FLNC: variants seen among roughly 807,000 people sequenced by gnomAD.
FLNC encodes filamin-C.
Under a neutral mutation model 254.3 loss-of-function variants are expected in FLNC, and 91 were observed. The ratio of observed to expected loss-of-function variants is 0.36; its 90% confidence interval spans 0.30 to 0.43. The LOEUF is 0.43. Among genes scored for constraint, FLNC ranks in the 20% least tolerant of loss-of-function variants. The probability of loss-of-function intolerance (pLI) is 1.00; values close to 1 mark genes in which losing one functional copy is unlikely to be tolerated. For missense variants in FLNC, 2,853 were observed against 3,802.6 expected (o/e 0.75, Z 6.57); for synonymous variants, 1,430 against 1,577.2 (o/e 0.91, Z 2.21).
At chr7:128,848,495 T>A in intron 26 of FLNC, 66 bp from the exon 27 acceptor site, 3 of 1,522,170 alleles carry the variant, frequency 2.0e-6, no homozygotes, top group Non-Finnish European at 1.8e-6. Context: ...TGGCTCAAGA[T>A]GAGATCACCC....
At chr7:128,855,630 A>C (rs1254744721) in intron 43 of FLNC, among the ~76,000 whole-genome samples, 1 of 152,246 alleles carries the variant, frequency 6.6e-6, no homozygotes, top group Non-Finnish European at 1.5e-5. Flanking sequence ...AACATTTATA[A>C]GAATGAGAGC....
chr7:128,842,499 GGCTGGGCCGGGTGC>G lies in FLNC; in HGVS notation c.2266-68_2266-55del. The G allele has an allele frequency of 6.4e-7, 1 of 1,562,522 alleles. No homozygotes were observed. The highest frequency in any genetic ancestry group is 8.7e-7 in the Non-Finnish European group (1 of 1,153,800). ...CTGAGGCTTGGGCTGGTGCCACTGAGGCTGGGCCGGGTGCGCTGGGCAGGAGGATGAGCCTTGAG... is the reference window on the plus strand; with the variant it reads ...CTGAGGCTTGGGCTGGTGCCACTGAGGCTGGGCAGGAGGATGAGCCTTGAG... On this transcript the variant is annotated intron_variant, in intron 14 of 47. Coordinates refer to ENST00000325888, the MANE Select transcript of FLNC (RefSeq NM_001458.5). This position sits in a 1 kb window ranked among gnomAD's most constrained non-coding sequence, Gnocchi z 5.4.
Position 128,856,725 on chromosome 7 carries a change from C to T in FLNC, c.7385-20C>T. Reference sequence around the variant, plus strand: ...GGGAGGGGAAGGATGGAGGCTAAGCCACCAACCCTTTATCCACAGACAAGC... The same window carrying T: ...GGGAGGGGAAGGATGGAGGCTAAGCTACCAACCCTTTATCCACAGACAAGC... On this transcript the variant is annotated intron_variant, in intron 44 of 47. Coordinates refer to ENST00000325888, the MANE Select transcript of FLNC (RefSeq NM_001458.5). The surrounding 1 kb of genome is among the most constrained non-coding windows in gnomAD (Gnocchi z 5.9). The T allele has an allele frequency of 6.2e-7, 1 of 1,614,128 alleles. No homozygotes were observed. Among genetic ancestry groups the T allele is most frequent in the Non-Finnish European group, 8.5e-7 (1 of 1,180,042 alleles).
At chr7:128,843,607 CG>C (rs776009236) in intron 18 of FLNC, 30 bp downstream of exon 18, 1 of 1,612,738 alleles carries the variant, frequency 6.2e-7, no homozygotes, top group Non-Finnish European at 8.5e-7. Flanking sequence ...TGCTACCGCC[CG>C]GCCGGCCCGC....
chr7:128,848,055 G>T lies in FLNC; in HGVS notation c.4567G>T (p.Glu1523Ter). 1 of 1,605,054 alleles carries T rather than the reference G, an allele frequency of 6.2e-7. No homozygotes were observed. The highest frequency in any genetic ancestry group is 8.5e-7 in the Non-Finnish European group (1 of 1,175,590). ...GGTAGCCGTCAAGTATGCTGACCAGGAGGTGCCACGCAGGTGAGGACCAGC... is the reference window on the plus strand; with the variant it reads ...GGTAGCCGTCAAGTATGCTGACCAGTAGGTGCCACGCAGGTGAGGACCAGC... Reference protein sequence around the residue: ...YTVAVKYADQEVPRSPFKIKV... With the variant: ...YTVAVKYADQ Residue 1523 changes from glutamate to a stop codon, truncating the protein, a stop_gained, in exon 26 of 48, where the codon GAG (glutamate) becomes TAG (stop). Transcript: ENST00000325888. LOFTEE classifies it high-confidence loss of function.
chr7:128,840,716 C>T (rs1461967941), intron 10 of FLNC, 42 bp downstream of exon 10: 2 of 1,614,126 alleles, frequency 1.2e-6, no homozygotes, highest in Non-Finnish European at 1.7e-6. Context: ...TCTAGGCCAT[C>T]ACAGGGAGGG....
chr7:128,832,242 C>G (rs1373354711), intron 1 of FLNC, among the ~76,000 whole-genome samples: 3 of 152,208 alleles, frequency 2.0e-5, no homozygotes, highest in Non-Finnish European at 2.9e-5. Context: ...CCCGCCTGCC[C>G]TGTCCTGGAA....
chr7:128,838,869 G>A (rs1808214877), intron 8 of FLNC, 66 bp downstream of exon 8: 1 of 1,479,778 alleles, frequency 6.8e-7, no homozygotes, highest in South Asian at 1.1e-5. Flanking sequence ...AGGGGCAGGA[G>A]GAAGAGCTGG....
rs1040123814 is a variant in FLNC, at chr7:128,842,434, C to A, written c.2265+60C>A. Reference sequence around the variant, plus strand: ...AGGGGTCCCTGAGGGAGGGCGGAACCCTCGCTGGAGTCCCTGTTGTCCCTG... The same window carrying A: ...AGGGGTCCCTGAGGGAGGGCGGAACACTCGCTGGAGTCCCTGTTGTCCCTG... On this transcript the variant is annotated intron_variant, in intron 14 of 47. Coordinates refer to ENST00000325888, the MANE Select transcript of FLNC (RefSeq NM_001458.5). This position sits in a 1 kb window ranked among gnomAD's most constrained non-coding sequence, Gnocchi z 5.4. 7 of 1,610,612 alleles carry A rather than the reference C, an allele frequency of 4.3e-6. No individual in the cohort carries two copies. The Admixed American group carries it at 6.7e-5, about 15-fold the overall frequency.
At position 128,851,635 on chromosome 7, in the gene FLNC, C is replaced by A; in HGVS notation, c.5842+7C>A. 1 of 1,613,550 alleles carries A rather than the reference C, an allele frequency of 6.2e-7. No homozygotes were observed. ...TTCACAGCCAAGATCACAGGTGAGG[C>A]GGGTGTATGGGCATGTACAGCCCAT... On this transcript the variant is annotated splice_region_variant and intron_variant, in intron 35 of 47. Coordinates refer to ENST00000325888, the MANE Select transcript of FLNC (RefSeq NM_001458.5).
rs1808072650 is a variant in FLNC, at chr7:128,835,758, T to G, written c.601+184T>G. On this transcript the variant is annotated intron_variant, in intron 2 of 47. Transcript: ENST00000325888. The surrounding 1 kb of genome is among the most constrained non-coding windows in gnomAD (Gnocchi z 5.3). Reference sequence around the variant, plus strand: ...CTGGCTGGTGGCAGGCCCTACCTGATGAGTGTGCCAGATTCCGCAGAGGCA... The same window carrying G: ...CTGGCTGGTGGCAGGCCCTACCTGAGGAGTGTGCCAGATTCCGCAGAGGCA... Among the ~76,000 whole-genome samples, 1 of 152,130 alleles carries G rather than the reference T, an allele frequency of 6.6e-6. No homozygotes were observed. The highest frequency in any genetic ancestry group is 2.4e-5 in the African/African-American group (1 of 41,442).
rs771344287 is a variant in FLNC at position 128,830,629 on chromosome 7, C to T, written c.-9C>T. The T allele has an allele frequency of 6.2e-7, 1 of 1,611,532 alleles. No homozygotes were observed. The highest frequency in any genetic ancestry group is 1.3e-5 in the African/African-American group (1 of 74,890). On this transcript the variant is annotated 5_prime_UTR_variant, in exon 1 of 48. Transcript: ENST00000325888. The stretch of plus-strand genomic sequence containing the variant: ...CCTAGCCCCGGCCGCACCCCCAGCC[C>T]GCGCCAGCATGATGAACAACAGCGG...
Position 128,856,989 on chromosome 7 carries a change from T to C in FLNC, c.7561+68T>C. ...CTTGGCCACTAGTCTGGTGCTGCTT[T>C]GCTCCAGAGGTAGGGGCCCTGCTTC... On this transcript the variant is annotated intron_variant, in intron 45 of 47. Transcript: ENST00000325888. The surrounding 1 kb of genome is among the most constrained non-coding windows in gnomAD (Gnocchi z 5.9). The C allele has an allele frequency of 6.3e-7, 1 of 1,583,326 alleles. No homozygotes were observed. The highest frequency in any genetic ancestry group is 8.7e-7 in the Non-Finnish European group (1 of 1,154,076).
In FLNC at chr7:128,853,811, C is replaced by A; in HGVS notation, c.6458C>A (p.Thr2153Asn). The change falls in exon 39 of 48, where the codon ACC becomes AAC. Residue 2153 changes from threonine to asparagine, a missense_variant. By Grantham distance (65) the Thr-to-Asn change is moderately conservative. Coordinates refer to ENST00000325888, the MANE Select transcript of FLNC (RefSeq NM_001458.5). The stretch of plus-strand genomic sequence containing the variant: ...CCTTCCATCGCCACCATCGGCAGCA[C>A]CTGTGACCTCAACCTCAAGATCCCA... ...QAPSIATIGS[T>N]CDLNLKIPGN... The A allele has an allele frequency of 6.2e-7, 1 of 1,613,568 alleles. No individual in the cohort carries two copies. Among genetic ancestry groups the A allele is most frequent in the Non-Finnish European group, 8.5e-7 (1 of 1,180,012 alleles).
chr7:128,851,186 A>G, intron 33 of FLNC, 46 bp from the exon 34 acceptor site: 1 of 1,613,230 alleles, frequency 6.2e-7, no homozygotes, highest in Non-Finnish European at 8.5e-7. Flanking sequence ...GTGGGCTCAG[A>G]TAATCCCTGA....
Position 128,858,515 on chromosome 7 carries a change from G to A in FLNC, c.8170G>A (p.Val2724Ile). Residue 2724 changes from valine to isoleucine, a missense_variant, in exon 48 of 48, where the codon GTC (valine) becomes ATC (isoleucine). Physicochemically the swap from Val to Ile is conservative, Grantham distance 29. Around this residue, in one of 10 missense-constraint regions of FLNC, gnomAD observed 197 missense variants for 351.5 expected, o/e 0.56. Coordinates refer to ENST00000325888, the MANE Select transcript of FLNC (RefSeq NM_001458.5). This position sits in a 1 kb window ranked among gnomAD's most constrained non-coding sequence, Gnocchi z 6.7. The stretch of plus-strand genomic sequence containing the variant: ...CCCTGGAAGCCCCTTCAAAGTCAAG[G>A]TCCCTTGAATCCCAAAAGTGCCTCC... ...SVPGSPFKVK[V>I]P is the part of the protein sequence containing the mutation. The A allele has an allele frequency of 6.2e-7, 1 of 1,613,078 alleles. No homozygotes were observed. Among genetic ancestry groups the A allele is most frequent in the Non-Finnish European group, 8.5e-7 (1 of 1,179,774 alleles).
At chr7:128,852,543 GGGC>G (rs1808863185) in intron 35 of FLNC, 45 bp from the exon 36 acceptor site, 1 of 1,609,970 alleles carries the variant, frequency 6.2e-7, no homozygotes, top group African/African-American at 1.3e-5. Flanking sequence ...TGTGAGGGCA[GGGC>G]CTGCCTGGAG....
Position 128,857,296 on chromosome 7 carries a change from C to G in FLNC, c.7740C>G (p.Pro2580=), listed in dbSNP as rs1405401300. ...NYLIAIKYGG[P]QHIVGSPFKA... is the part of the protein sequence containing the mutation. ...TCATTGCCATCAAGTACGGTGGCCC[C>G]CAGCACATCGTGGGCAGCCCCTTCA... is the stretch of plus-strand genomic sequence containing the variant. The change falls in exon 46 of 48, where the codon CCC becomes CCG. Residue 2580 remains proline, a synonymous_variant. Transcript: ENST00000325888. This position sits in a 1 kb window ranked among gnomAD's most constrained non-coding sequence, Gnocchi z 4.5. 1 of 1,613,754 alleles carries G rather than the reference C, an allele frequency of 6.2e-7. No individual in the cohort carries two copies. Among genetic ancestry groups the G allele is most frequent in the East Asian group, 2.2e-5 (1 of 44,886 alleles).
At chr7:128,849,850 C>G (rs193131689) in intron 30 of FLNC, 126 bp from the exon 31 acceptor site, 1 of 812,624 alleles carries the variant, frequency 1.2e-6, no homozygotes, top group Admixed American at 2.0e-5. Context: ...TCCCCAGAGG[C>G]TGCCCTGCAG....
Sources: allele counts gnomAD v4.1 joint callset (sites outside exome capture counted in the v4.1 genomes callset), GRCh38; gene constraint gnomAD v4.1.1; regional missense constraint gnomAD v4.1.1; non-coding constraint Gnocchi (gnomAD v3.1); transcripts MANE v1.5; gene names NCBI Gene and HGNC (gene_info 2026-07-23, HGNC 2026-07-21).